ATP2B2: variants seen among roughly 807,000 people sequenced by gnomAD.
ATP2B2 encodes the protein ATPase plasma membrane Ca2+ transporting 2.
Under a neutral mutation model 120.0 loss-of-function variants are expected in ATP2B2, and 15 were observed. The observed-to-expected ratio is 0.12, with a 90% CI of 0.08 to 0.19. The LOEUF is 0.19. ATP2B2 is among the 10% of genes least tolerant of loss of function. ATP2B2 has a pLI of 1.00. For synonymous variants in ATP2B2, 694 were observed against 700.3 expected, an observed-to-expected ratio of 0.99 and a Z score of 0.14; for missense variants, 1,045 against 1,719.8, an observed-to-expected ratio of 0.61 and a Z score of 6.94.
At position 10,502,259 on chromosome 3, in the gene ATP2B2, C is replaced by A. The variant is rs573657280; in HGVS notation, c.-320+3206G>T. On this transcript the variant is annotated intron_variant, in intron 1 of 22. Transcript: ENST00000360273. The stretch of plus-strand genomic sequence containing the variant: ...TCCTGATGCCAATCACACCTTCGTG[C>A]ACAGCCCTCTACAGTGTCCAGGGCT... 2.6e-5 allele frequency among the ~76,000 whole-genome samples: 4 copies of A among 152,364 alleles called. No individual in the cohort carries two copies. In the South Asian group the frequency reaches 6.2e-4, roughly 24 times the overall value.
chr3:10,598,383 G>A (rs879789574), intron 2 of ATP2B2, among the ~76,000 whole-genome samples: 2 of 152,192 alleles, frequency 1.3e-5, no homozygotes, highest in Non-Finnish European at 2.9e-5. Flanking sequence ...GGTAATTACA[G>A]TACTTTCATT....
intron 1 of ATP2B2, among the ~76,000 whole-genome samples, chr3:10,494,265 T>C (rs1201683144): frequency 6.6e-6 from 1 of 152,158 alleles, no homozygotes; most frequent in Non-Finnish European, 1.5e-5. Context: ...TAGCTGATTT[T>C]TTCATAGAGA....
At chr3:10,385,573 G>A (rs1293429883) in intron 7 of ATP2B2, among the ~76,000 whole-genome samples, 1 of 152,200 alleles carries the variant, frequency 6.6e-6, no homozygotes, top group African/African-American at 2.4e-5. Flanking sequence ...GATGACCAGG[G>A]TGGTTAGCTG....
At chr3:10,455,362 C>T (rs755273342) in intron 1 of ATP2B2, among the ~76,000 whole-genome samples, 1 of 152,240 alleles carries the variant, frequency 6.6e-6, no homozygotes, top group South Asian at 2.1e-4. Flanking sequence ...CAGGCTCTTG[C>T]TGCCTCATCC....
intron 3 of ATP2B2, among the ~76,000 whole-genome samples, chr3:10,531,605 A>C (rs2067211606): frequency 6.6e-6 from 1 of 152,206 alleles, no homozygotes; most frequent in Non-Finnish European, 1.5e-5. Context: ...TTTTGTGACT[A>C]TGAATTCATT....
At chr3:10,360,650 C>T (rs1181321929) in intron 12 of ATP2B2, among the ~76,000 whole-genome samples, 1 of 152,144 alleles carries the variant, frequency 6.6e-6, no homozygotes, top group Non-Finnish European at 1.5e-5. Context: ...ACAGAGATGC[C>T]GTATACCCTT....
intron 1 of ATP2B2, among the ~76,000 whole-genome samples, chr3:10,490,763 G>A (rs959054641): frequency 4.6e-5 from 7 of 152,220 alleles, no homozygotes; most frequent in Non-Finnish European, 8.8e-5. Flanking sequence ...CCCAGTAGGT[G>A]CATGTAGCTG....
chr3:10,563,855 A>G (rs1278730052), intron 2 of ATP2B2, among the ~76,000 whole-genome samples: 1 of 152,262 alleles, frequency 6.6e-6, no homozygotes, highest in Admixed American at 6.5e-5. Flanking sequence ...CAACTTGTCA[A>G]AAACCACACA....
At chr3:10,421,382 A>T (rs1054029250) in intron 2 of ATP2B2, among the ~76,000 whole-genome samples, 1 of 152,140 alleles carries the variant, frequency 6.6e-6, no homozygotes, top group African/African-American at 2.4e-5. Context: ...AGCTGCCAAC[A>T]GTCAGGCTCA....
At chr3:10,370,897 C>A (rs1408722285) in intron 12 of ATP2B2, among the ~76,000 whole-genome samples, 1 of 152,162 alleles carries the variant, frequency 6.6e-6, no homozygotes, top group Non-Finnish European at 1.5e-5. Context: ...AGTGCTGAGG[C>A]AACCTGTGCT....
At chr3:10,657,330 G>A (rs1575597971) in intron 1 of ATP2B2, among the ~76,000 whole-genome samples, 1 of 152,298 alleles carries the variant, frequency 6.6e-6, no homozygotes. Context: ...TCCCACTTGA[G>A]CTTCCCTGAG....
chr3:10,538,912 A>G (rs1051650517), intron 2 of ATP2B2, among the ~76,000 whole-genome samples: 4 of 152,204 alleles, frequency 2.6e-5, no homozygotes, highest in Admixed American at 1.3e-4. Context: ...AGGGTATTCA[A>G]TTAGGAAAAG....
intron 1 of ATP2B2, among the ~76,000 whole-genome samples, chr3:10,476,787 G>A (rs998622801): frequency 1.3e-5 from 2 of 152,256 alleles, no homozygotes; most frequent in Non-Finnish European, 2.9e-5. Context: ...TTAGCCCTGA[G>A]GAAGGGGGTG....
chr3:10,379,641 A>G (rs1238650028), intron 8 of ATP2B2, among the ~76,000 whole-genome samples: 1 of 152,192 alleles, frequency 6.6e-6, no homozygotes, highest in Non-Finnish European at 1.5e-5. Flanking sequence ...TCAGGCCCCC[A>G]CACCAAGCTT....
intron 2 of ATP2B2, among the ~76,000 whole-genome samples, chr3:10,609,218 G>C (rs2069164332): frequency 6.6e-6 from 1 of 151,782 alleles, no homozygotes; most frequent in South Asian, 2.1e-4. Context: ...CAGGCAAGCT[G>C]TAACCCAGGA....
At chr3:10,544,186 G>A (rs1420751333) in intron 2 of ATP2B2, among the ~76,000 whole-genome samples, 2 of 152,096 alleles carry the variant, frequency 1.3e-5, no homozygotes, top group Non-Finnish European at 2.9e-5. Context: ...GCTCATGAGT[G>A]TTTTCCCTAA....
chr3:10,573,926 G>A (rs1160135798), intron 2 of ATP2B2, among the ~76,000 whole-genome samples: 2 of 152,056 alleles, frequency 1.3e-5, no homozygotes, highest in African/African-American at 2.4e-5. Flanking sequence ...ATCCTTTCTG[G>A]TCTCTCACTG....
intron 2 of ATP2B2, among the ~76,000 whole-genome samples, chr3:10,555,558 T>C (rs1283712264): frequency 2.0e-5 from 3 of 152,234 alleles, no homozygotes; most frequent in Non-Finnish European, 2.9e-5. Context: ...GCTCCAGCCA[T>C]GGTGGCCAAC....
intron 1 of ATP2B2, among the ~76,000 whole-genome samples, chr3:10,701,774 T>C (rs112117578): frequency 1.3e-5 from 2 of 152,164 alleles, no homozygotes; most frequent in Non-Finnish European, 2.9e-5. Context: ...CAGACTGTTA[T>C]GTATGATGGA....
Sources: allele counts gnomAD v4.1 joint callset (sites outside exome capture counted in the v4.1 genomes callset), GRCh38; gene constraint gnomAD v4.1.1; transcripts MANE v1.5; gene names NCBI Gene and HGNC (gene_info 2026-07-23, HGNC 2026-07-21).